GLRB: variants seen among roughly 807,000 people sequenced by gnomAD.
The protein encoded by GLRB is glycine receptor beta, also known as glycine receptor subunit beta.
A neutral mutation model predicts 54.2 loss-of-function variants in GLRB; 33 were observed. The observed-to-expected ratio is 0.61, with a 90% CI of 0.46 to 0.81. The LOEUF is 0.81. Among genes scored for constraint, GLRB ranks in the 40% least tolerant of loss-of-function variants. The probability of loss-of-function intolerance (pLI) is 0.00; values close to 1 mark genes in which losing one functional copy is unlikely to be tolerated. For missense variants in GLRB, 572 were observed against 584.6 expected (o/e 0.98, Z 0.22); for synonymous variants, 209 against 208.2 (o/e 1.00, Z -0.03).
intron 1 of GLRB, among the ~76,000 whole-genome samples, chr4:157,077,736 A>G (rs918239270): frequency 1.3e-5 from 2 of 150,592 alleles, no homozygotes; most frequent in Admixed American, 6.7e-5. Context: ...ACAGTAACCT[A>G]TTATATCTCG....
chr4:157,162,671 G>A (rs980261866), intron 9 of GLRB, among the ~76,000 whole-genome samples: 10 of 152,176 alleles, frequency 6.6e-5, no homozygotes, highest in Non-Finnish European at 1.3e-4. Context: ...AACAGCAAAT[G>A]TTGCTGCCTG....
chr4:157,097,718 C>A (rs1734864622), intron 2 of GLRB, among the ~76,000 whole-genome samples: 1 of 152,138 alleles, frequency 6.6e-6, no homozygotes, highest in African/African-American at 2.4e-5. Context: ...TAGAGCATTT[C>A]TAGTAGTCAA....
intron 9 of GLRB, among the ~76,000 whole-genome samples, chr4:157,166,309 T>C (rs1369696337): frequency 6.6e-6 from 1 of 152,088 alleles, no homozygotes; most frequent in Non-Finnish European, 1.5e-5. Flanking sequence ...TAAGAATGTG[T>C]GTTAAGTAGG....
chr4:157,119,855 C>G (rs1735740783), intron 2 of GLRB, among the ~76,000 whole-genome samples: 1 of 151,604 alleles, frequency 6.6e-6, no homozygotes, highest in South Asian at 2.1e-4. Context: ...ACTAGAAATG[C>G]CATTTGACCC....
intron 2 of GLRB, among the ~76,000 whole-genome samples, chr4:157,092,322 A>C (rs2126454924): frequency 6.6e-6 from 1 of 152,354 alleles, no homozygotes; most frequent in Non-Finnish European, 1.5e-5. Flanking sequence ...TCTGTAAAAC[A>C]GAAATAAGAA....
At chr4:157,139,316 A>G (rs557792632) in intron 7 of GLRB, among the ~76,000 whole-genome samples, 2 of 152,202 alleles carry the variant, frequency 1.3e-5, no homozygotes, top group East Asian at 3.9e-4. Context: ...TAATCCATAT[A>G]TGTTCACCCA....
intron 2 of GLRB, among the ~76,000 whole-genome samples, chr4:157,103,909 T>A (rs2126488603): frequency 6.6e-6 from 1 of 152,078 alleles, no homozygotes; most frequent in South Asian, 2.1e-4. Context: ...TACTGAAATT[T>A]GTTTATCAGT....
At chr4:157,155,741 G>C (rs963879556) in intron 9 of GLRB, among the ~76,000 whole-genome samples, 8 of 152,180 alleles carry the variant, frequency 5.3e-5, no homozygotes, top group Non-Finnish European at 8.8e-5. Context: ...GTAGTGATCA[G>C]AAGTTTAATT....
chr4:157,077,478 T>C (rs749300070), intron 1 of GLRB, among the ~76,000 whole-genome samples: 71 of 152,144 alleles, frequency 4.7e-4, no homozygotes, highest in Non-Finnish European at 1.5e-4. Context: ...TTCTTTTATC[T>C]GTCTTTTTTA....
At chr4:157,091,198 G>A (rs182324659) in intron 2 of GLRB, among the ~76,000 whole-genome samples, 127 of 152,114 alleles carry the variant, frequency 8.3e-4, no homozygotes, top group South Asian at 1.5e-3. Context: ...ATAGTTTGGC[G>A]TGCAGCACAA....
chr4:157,091,155 T>C (rs1162470812), intron 2 of GLRB, among the ~76,000 whole-genome samples: 1 of 152,188 alleles, frequency 6.6e-6, no homozygotes, highest in Non-Finnish European at 1.5e-5. Context: ...ACTACACTTG[T>C]AATTTTCAGG....
At chr4:157,088,630 T>C (rs1413700076) in intron 2 of GLRB, among the ~76,000 whole-genome samples, 2 of 152,196 alleles carry the variant, frequency 1.3e-5, no homozygotes, top group African/African-American at 4.8e-5. Flanking sequence ...CGGTCTTTCT[T>C]GATTTTCATT....
intron 8 of GLRB, among the ~76,000 whole-genome samples, chr4:157,144,906 T>A (rs568143300): frequency 6.6e-6 from 1 of 152,182 alleles, no homozygotes; most frequent in African/African-American, 2.4e-5. Flanking sequence ...TTGTTTTTTT[T>A]ACATCTAATT....
intron 2 of GLRB, among the ~76,000 whole-genome samples, chr4:157,080,132 C>T (rs1734173661): frequency 6.6e-6 from 1 of 152,124 alleles, no homozygotes. Flanking sequence ...ACTGTATATA[C>T]TTACGGTGTG....
chr4:157,117,277 T>A (rs1735642010), intron 2 of GLRB, among the ~76,000 whole-genome samples: 1 of 151,700 alleles, frequency 6.6e-6, no homozygotes, highest in African/African-American at 2.4e-5. Context: ...GTTTCATTCT[T>A]GGCTCTACCA....
intron 2 of GLRB, among the ~76,000 whole-genome samples, chr4:157,104,923 G>A (rs1370161618): frequency 6.6e-6 from 1 of 151,386 alleles, no homozygotes; most frequent in Non-Finnish European, 1.5e-5. Flanking sequence ...TTTTGATTTT[G>A]ATTTCTTCTT....
rs1361901423 is a variant in GLRB at position 157,170,532 on chromosome 4, C to T, written c.1298C>T (p.Ser433Phe). The T allele has an allele frequency of 2.5e-6, 4 of 1,611,408 alleles. No individual in the cohort carries two copies. In the East Asian group the frequency reaches 6.7e-5, roughly 27 times the overall value. The change falls in exon 10 of 10, where the codon TCC (serine) becomes TTC (phenylalanine). Residue 433 changes from serine to phenylalanine, a missense_variant. Coordinates refer to ENST00000264428, the MANE Select transcript of GLRB (RefSeq NM_000824.5). ...VGSLPRDFEL[S>F]NYDCYGKPIE... ...AGCTTACCAAGAGATTTTGAACTATCCAATTATGACTGCTATGGAAAACCC... is the reference window on the plus strand; with the variant it reads ...AGCTTACCAAGAGATTTTGAACTATTCAATTATGACTGCTATGGAAAACCC...
rs566412951 is a variant in GLRB at position 157,144,221 on chromosome 4, A to G, written c.904+262A>G. Among the ~76,000 whole-genome samples, 20 of 152,338 alleles carry G rather than the reference A, an allele frequency of 1.3e-4. No individual in the cohort carries two copies. In the South Asian group the frequency reaches 4.1e-3, roughly 32 times the overall value. On this transcript the variant is annotated intron_variant, in intron 8 of 9. Transcript: ENST00000264428. ...TTTTTCTGTCATGAAATAATTATTTATAAGTGATTTTCACGGATAACTATG... is the reference window on the plus strand; with the variant it reads ...TTTTTCTGTCATGAAATAATTATTTGTAAGTGATTTTCACGGATAACTATG...
intron 2 of GLRB, among the ~76,000 whole-genome samples, chr4:157,082,602 A>T (rs1221150187): frequency 6.6e-6 from 1 of 152,172 alleles, no homozygotes; most frequent in Non-Finnish European, 1.5e-5. Flanking sequence ...CAATATAAGG[A>T]TACCTAGGTG....
Sources: gnomAD v4.1 joint callset for allele counts (sites outside exome capture counted in the v4.1 genomes callset) on GRCh38, gnomAD v4.1.1 for gene constraint, MANE v1.5 for transcripts, NCBI Gene and HGNC (gene_info 2026-07-23, HGNC 2026-07-21) for gene names.